The following B3GNT5 variants were observed in gnomAD, a reference collection of about 807,000 sequenced individuals.
B3GNT5 encodes lactosylceramide 1,3-N-acetyl-beta-D-glucosaminyltransferase.
In B3GNT5, 11 loss-of-function variants were observed where a neutral mutation model predicts 25.9. The ratio of observed to expected loss-of-function variants is 0.42; its 90% CI spans 0.27 to 0.70. B3GNT5 has a LOEUF of 0.70. B3GNT5 is among the 30% of genes least tolerant of loss of function. The pLI is 0.23. For synonymous variants in B3GNT5, 166 were observed against 158.6 expected, an observed-to-expected ratio of 1.05 and a Z score of -0.35; for missense variants, 385 against 458.4, an observed-to-expected ratio of 0.84 and a Z score of 1.46.
chr3:183,265,690 T>A (rs1726041371), intron 1 of B3GNT5: 1 of 152,276 alleles, frequency 6.6e-6, no homozygotes, highest in South Asian at 2.1e-4. Flanking sequence ...TGTTCTTTTG[T>A]TATACAAGTG....
chr3:183,269,957 T>C lies in B3GNT5; in HGVS notation c.159T>C (p.Asn53=), dbSNP rs914856722. 9 of 1,614,008 alleles carry C rather than the reference T, an allele frequency of 5.6e-6. No individual in the cohort carries two copies. In the Admixed American group the frequency reaches 1.5e-4, roughly 27 times the overall value. ...CATATTCTTACAGATACCTCATAAA[T>C]AGCTATGACTTTGTGAATGATACCC... ...MKSYSYRYLI[N]SYDFVNDTLS... Residue 53 remains asparagine, a synonymous_variant, in exon 2 of 2, where the codon AAT becomes AAC. Transcript: ENST00000326505.
At chr3:183,266,032 C>T (rs1406786844) in intron 1 of B3GNT5, 1 of 152,152 alleles carries the variant, frequency 6.6e-6, no homozygotes, top group Non-Finnish European at 1.5e-5. Context: ...AAGATAAATA[C>T]GTACATGTTG....
At position 183,271,208 on chromosome 3, in the gene B3GNT5, C is replaced by A; in HGVS notation, c.*273C>A. On this transcript the variant is annotated 3_prime_UTR_variant, in exon 2 of 2. Transcript: ENST00000326505. ...GGGAAGTTCAAGTTCTCATGTAATGCCACATATATACTTGAGGTGTAGAGA... is the reference window on the plus strand; with the variant it reads ...GGGAAGTTCAAGTTCTCATGTAATGACACATATATACTTGAGGTGTAGAGA... 3.5e-6 allele frequency: 1 copy of A among 288,406 alleles called. No individual in the cohort carries two copies. 17.9% of individuals were successfully genotyped at this position (288,406 alleles called of 1,614,324 possible).
At chr3:183,259,258 C>T (rs1349072173) in intron 1 of B3GNT5, among the ~76,000 whole-genome samples, 1 of 152,124 alleles carries the variant, frequency 6.6e-6, no homozygotes, top group Non-Finnish European at 1.5e-5. Flanking sequence ...CGTTGTTCTT[C>T]TAGTGACTCA....
At chr3:183,264,026 C>T (rs1488783638) in intron 1 of B3GNT5, among the ~76,000 whole-genome samples, 1 of 152,178 alleles carries the variant, frequency 6.6e-6, no homozygotes, top group South Asian at 2.1e-4. Flanking sequence ...GCATTTCACC[C>T]CATACCACCA....
chr3:183,257,222 G>A (rs1725122953), intron 1 of B3GNT5, among the ~76,000 whole-genome samples: 2 of 152,204 alleles, frequency 1.3e-5, no homozygotes, highest in African/African-American at 4.8e-5. Flanking sequence ...ATGGTTTAGA[G>A]ACAAGTCGAG....
In B3GNT5 at chr3:183,270,045, T is replaced by C. The variant is rs781332351; in HGVS notation, c.247T>C (p.Cys83Arg). Residue 83 changes from cysteine (C) to arginine (R), a missense_variant, in exon 2 of 2, where the codon TGT becomes CGT. Coordinates refer to ENST00000326505, the MANE Select transcript of B3GNT5 (RefSeq NM_032047.5). This position sits in a 1 kb window ranked among gnomAD's most constrained non-coding sequence, Gnocchi z 4.5. Reference sequence around the variant, plus strand: ...ATACTTGATTAACCACAAGGAAAAGTGTCAAGCTCAAGACGTCCTCCTTTT... The same window carrying C: ...ATACTTGATTAACCACAAGGAAAAGCGTCAAGCTCAAGACGTCCTCCTTTT... ...YQYLINHKEK[C>R]QAQDVLLLLF... 1 of 1,614,134 alleles carries C rather than the reference T, an allele frequency of 6.2e-7. No homozygotes were observed. The highest frequency in any genetic ancestry group is 1.1e-5 in the South Asian group (1 of 91,086).
intron 1 of B3GNT5, among the ~76,000 whole-genome samples, chr3:183,262,720 G>T (rs142474175): frequency 1.7e-4 from 26 of 151,438 alleles, no homozygotes; most frequent in Admixed American, 1.5e-3. Flanking sequence ...CTTCAGGGTG[G>T]GGGGGACAGA....
intron 1 of B3GNT5, among the ~76,000 whole-genome samples, chr3:183,255,254 C>A (rs1724935237): frequency 6.6e-6 from 1 of 152,152 alleles, no homozygotes; most frequent in African/African-American, 2.4e-5. Context: ...CGAAATGATT[C>A]CACCCTGAAC....
At chr3:183,269,063 G>T (rs985195787) in intron 1 of B3GNT5, among the ~76,000 whole-genome samples, 2 of 151,886 alleles carry the variant, frequency 1.3e-5, no homozygotes, top group African/African-American at 4.8e-5. Context: ...CTTGTCTGGG[G>T]CAAGCCTTAA....
At chr3:183,269,230 C>CTATTTTTTTTTTTTTTT (rs1726467965) in intron 1 of B3GNT5, among the ~76,000 whole-genome samples, 1 of 81,030 alleles carries the variant, frequency 1.2e-5, no homozygotes, top group African/African-American at 6.4e-5. Flanking sequence ...GTTTGGGAAG[C>CTATTTTTTTTTTTTTTT]TTTTTTTTTT....
chr3:183,269,974 A>G lies in B3GNT5; in HGVS notation c.176A>G (p.Asn59Ser), dbSNP rs1455497329. ...CTCATAAATAGCTATGACTTTGTGA[A>G]TGATACCCTGTCTCTTAAGCACACC... is the stretch of plus-strand genomic sequence containing the variant. Reference protein sequence around the residue: ...RYLINSYDFVNDTLSLKHTSA... With the variant: ...RYLINSYDFVSDTLSLKHTSA... The change falls in exon 2 of 2, where the codon AAT becomes AGT. Residue 59 changes from asparagine to serine, a missense_variant. Physicochemically the swap from Asn to Ser is conservative, Grantham distance 46. Transcript: ENST00000326505. 4 of 1,614,050 alleles carry G rather than the reference A, an allele frequency of 2.5e-6. No individual in the cohort carries two copies. Among genetic ancestry groups the G allele is most frequent in the African/African-American group, 1.3e-5 (1 of 74,928 alleles).
chr3:183,266,703 C>T (rs1207740443), intron 1 of B3GNT5, among the ~76,000 whole-genome samples: 1 of 152,164 alleles, frequency 6.6e-6, no homozygotes, highest in Admixed American at 6.5e-5. Context: ...TCTCACCTTC[C>T]TCTAGAGCAT....
chr3:183,261,922 G>A (rs1725619172), intron 1 of B3GNT5, among the ~76,000 whole-genome samples: 1 of 145,328 alleles, frequency 6.9e-6, no homozygotes, highest in Non-Finnish European at 1.5e-5. Context: ...TCCATTCATG[G>A]TTCAGACAAC....
rs1412142751 is a variant in B3GNT5 at position 183,253,255 on chromosome 3, A to C, written c.-519A>C. 1 of 135,442 alleles carries C rather than the reference A, an allele frequency of 7.4e-6. No individual in the cohort carries two copies. The highest frequency in any genetic ancestry group is 1.6e-5 in the Non-Finnish European group (1 of 62,942). The allele number at this position is 135,442 out of a possible 1,614,324, so 8.4% of individuals were successfully genotyped here. A position where few individuals can be genotyped will look rare whatever the true frequency, so the allele number is the denominator to read the frequency against. ...CCGGGCCCGCCCCCATCCCGCCCGC[A>C]TACAGCCCGCATCCCGCCGGGGAAG... On this transcript the variant is annotated 5_prime_UTR_variant, in exon 1 of 2. Coordinates refer to ENST00000326505, the MANE Select transcript of B3GNT5 (RefSeq NM_032047.5).
intron 1 of B3GNT5, among the ~76,000 whole-genome samples, chr3:183,266,319 C>T (rs1030724525): frequency 6.6e-6 from 1 of 152,242 alleles, no homozygotes. Flanking sequence ...GAATAGGCAG[C>T]TGGTTTTCCC....
chr3:183,254,222 C>G (rs1344122574), intron 1 of B3GNT5: 1 of 151,902 alleles, frequency 6.6e-6, no homozygotes, highest in Non-Finnish European at 1.5e-5. Context: ...GCGGGTGGCG[C>G]CAGGACTTCA....
intron 1 of B3GNT5, among the ~76,000 whole-genome samples, chr3:183,260,906 G>A (rs1243173867): frequency 6.6e-6 from 1 of 152,152 alleles, no homozygotes; most frequent in Non-Finnish European, 1.5e-5. Context: ...AATTCCAAAT[G>A]GCTTCTAATT....
intron 1 of B3GNT5, among the ~76,000 whole-genome samples, chr3:183,261,281 T>G (rs1257738879): frequency 6.6e-6 from 1 of 152,180 alleles, no homozygotes; most frequent in Non-Finnish European, 1.5e-5. Context: ...GTTTGGCTTC[T>G]GAAGATTGGT....
Sources: allele counts gnomAD v4.1 joint callset (sites outside exome capture counted in the v4.1 genomes callset), GRCh38; gene constraint gnomAD v4.1.1; non-coding constraint Gnocchi (gnomAD v3.1); transcripts MANE v1.5; gene names NCBI Gene and HGNC (gene_info 2026-07-23, HGNC 2026-07-21).